NSD2: variants seen among roughly 807,000 people sequenced by gnomAD.
The protein encoded by NSD2 is nuclear receptor binding SET domain protein 2, also known as histone-lysine N-methyltransferase NSD2.
NSD2 carries 12 observed loss-of-function variants against 139.0 expected under a neutral mutation model. The observed-to-expected ratio is 0.09, with a 90% CI of 0.06 to 0.14. NSD2 has a LOEUF of 0.14. Ranked by LOEUF, NSD2 falls within the 10% of genes least tolerant of loss-of-function variation. The pLI, the probability that NSD2 is intolerant of heterozygous loss-of-function variation, is 1.00. For missense variants in NSD2, 1,155 were observed against 1,745.0 expected (o/e 0.66, Z 6.02); for synonymous variants, 669 against 648.7 (o/e 1.03, Z -0.48).
At chr4:1,952,544 C>T (rs1002740975) in intron 11 of NSD2, among the ~76,000 whole-genome samples, 14 of 152,170 alleles carry the variant, frequency 9.2e-5, no homozygotes, top group African/African-American at 2.2e-4. Context: ...ATGTGTGAGG[C>T]GGCCACCACA....
Position 1,895,212 on chromosome 4 carries a change from C to G in NSD2, c.-29-5414C>G, listed in dbSNP as rs1011801040. On this transcript the variant is annotated intron_variant, in intron 1 of 21. Transcript: ENST00000508803. The stretch of plus-strand genomic sequence containing the variant: ...ATGGGTTACGTCTACCTTTTGGCTA[C>G]TGTAATAGTGCTCCTGTGAACATGG... 1.2e-4 allele frequency among the ~76,000 whole-genome samples: 19 copies of G among 152,198 alleles called. 1 individual carries two copies. Among genetic ancestry groups the G allele is most frequent in the Non-Finnish European group, 2.1e-4 (14 of 68,038 alleles).
chr4:1,952,883 A>AC, intron 11 of NSD2: 1 of 1,352,964 alleles, frequency 7.4e-7, no homozygotes, highest in South Asian at 1.9e-5. Context: ...GGTCAGGAAG[A>AC]CACCTGGAGA....
Position 1,981,800 on chromosome 4 carries a change from G to T in NSD2, c.*2891G>T. On this transcript the variant is annotated 3_prime_UTR_variant, in exon 22 of 22. Transcript: ENST00000508803. ...TTTTATAATTCAAGTTAATGCAAAT[G>T]ACTGTCAGTTGCCAAATATCTTGAT... The T allele has an allele frequency of 2.5e-6, 1 of 398,578 alleles. No individual in the cohort carries two copies. The highest frequency in any genetic ancestry group is 1.3e-4 in the South Asian group (1 of 7,792). 24.7% of individuals were successfully genotyped at this position (398,578 alleles called of 1,614,324 possible).
At chr4:1,953,196 CAG>C in intron 11 of NSD2, 126 bp from the exon 12 acceptor site, 1 of 1,568,644 alleles carries the variant, frequency 6.4e-7, no homozygotes, top group Non-Finnish European at 8.7e-7. Context: ...AGGTTGGAAA[CAG>C]GGCCAGGTGC....
At chr4:1,884,721 A>G (rs190495817) in intron 1 of NSD2, among the ~76,000 whole-genome samples, 1 of 152,204 alleles carries the variant, frequency 6.6e-6, no homozygotes, top group Non-Finnish European at 1.5e-5. Context: ...TGTATGCTCT[A>G]TTTGTAGAAG....
At chr4:1,893,150 C>G (rs1715746266) in intron 1 of NSD2, among the ~76,000 whole-genome samples, 1 of 152,148 alleles carries the variant, frequency 6.6e-6, no homozygotes, top group Admixed American at 6.5e-5. Flanking sequence ...TTACACCTTT[C>G]TTTTGTGAAA....
Position 1,942,331 on chromosome 4 carries a change from G to C in NSD2, c.1881+2553G>C. 6.2e-7 allele frequency: 1 copy of C among 1,613,146 alleles called. No homozygotes were observed. Among genetic ancestry groups the C allele is most frequent in the Non-Finnish European group, 8.5e-7 (1 of 1,179,772 alleles). On this transcript the variant is annotated intron_variant, in intron 9 of 21. Coordinates refer to ENST00000508803, the MANE Select transcript of NSD2 (RefSeq NM_001042424.3). The surrounding 1 kb of genome is among the most constrained non-coding windows in gnomAD (Gnocchi z 4.0). ...AATTCTTATTTTTTTCGCCTTCACT[G>C]GTAACAGCTTTTGTGGGAGCCCACA... is the stretch of plus-strand genomic sequence containing the variant.
chr4:1,937,176 C>T (rs776310143), intron 7 of NSD2, among the ~76,000 whole-genome samples: 17 of 152,016 alleles, frequency 1.1e-4, no homozygotes, highest in South Asian at 2.1e-4. Flanking sequence ...CTCAGACTCC[C>T]GAGTAGCTGG....
chr4:1,878,269 T>A (rs1456599562), intron 1 of NSD2, among the ~76,000 whole-genome samples: 31 of 121,346 alleles, frequency 2.6e-4, no homozygotes, highest in African/African-American at 9.2e-4. Flanking sequence ...TTTTTTTTTT[T>A]TTTTTTTTTT....
chr4:1,954,321 A>C (rs1024189123), intron 12 of NSD2, among the ~76,000 whole-genome samples: 4 of 148,858 alleles, frequency 2.7e-5, no homozygotes, highest in Non-Finnish European at 6.0e-5. Flanking sequence ...AGGTTTCACC[A>C]TGTTGCCCAG....
At chr4:1,915,753 A>G (rs1044734077) in intron 3 of NSD2, among the ~76,000 whole-genome samples, 1 of 151,978 alleles carries the variant, frequency 6.6e-6, no homozygotes, top group African/African-American at 2.4e-5. Context: ...TCTCCAGAAG[A>G]CTCACTGGAG....
At chr4:1,872,716 T>C (rs1221068815) in intron 1 of NSD2, among the ~76,000 whole-genome samples, 3 of 150,364 alleles carry the variant, frequency 2.0e-5, no homozygotes, top group Non-Finnish European at 4.4e-5. Flanking sequence ...GCTACCCACC[T>C]GCTTCACAGA....
At chr4:1,911,156 T>TG (rs1378074934) in intron 3 of NSD2, among the ~76,000 whole-genome samples, 2 of 151,952 alleles carry the variant, frequency 1.3e-5, no homozygotes, top group East Asian at 1.9e-4. Flanking sequence ...TGGGCTGTGA[T>TG]GGGGAAAAAA....
chr4:1,872,633 A>AGAGAGAGAGAGAGAGCGC (rs1203166315), intron 1 of NSD2, among the ~76,000 whole-genome samples: 3 of 131,034 alleles, frequency 2.3e-5, no homozygotes, highest in African/African-American at 5.5e-5. Context: ...AGAGAGAGAG[A>AGAGAGAGAGAGAGAGCGC]GAGCGCGCAG....
At chr4:1,938,169 C>T (rs369458743) in intron 7 of NSD2, among the ~76,000 whole-genome samples, 1 of 152,136 alleles carries the variant, frequency 6.6e-6, no homozygotes, top group Non-Finnish European at 1.5e-5. Context: ...CCACCCACCT[C>T]GCCCTCCTGA....
chr4:1,978,126 CAA>C (rs112748858), intron 21 of NSD2, among the ~76,000 whole-genome samples: 1 of 146,646 alleles, frequency 6.8e-6, no homozygotes, highest in African/African-American at 2.5e-5. Flanking sequence ...GACTCCATCT[CAA>C]AAAAAAAAGA....
intron 7 of NSD2, 68 bp from the exon 8 acceptor site, chr4:1,938,383 T>A: frequency 4.0e-6 from 5 of 1,256,924 alleles, no homozygotes; most frequent in Non-Finnish European, 5.3e-6. Flanking sequence ...TTTTCTTTTT[T>A]TTTCCTTTTT....
chr4:1,945,466 AC>A (rs1377716452), intron 9 of NSD2: 41 of 1,063,534 alleles, frequency 3.9e-5, no homozygotes, highest in Admixed American at 5.4e-5. Flanking sequence ...AAAAAAGAAA[AC>A]TAAGATTATA....
At chr4:1,939,816 A>T in intron 9 of NSD2, 38 bp downstream of exon 9, 1 of 1,613,816 alleles carries the variant, frequency 6.2e-7, no homozygotes, top group Non-Finnish European at 8.5e-7. Flanking sequence ...TGGCATTGGT[A>T]TGAAGGCCAT....
Sources: gnomAD v4.1 joint callset for allele counts (sites outside exome capture counted in the v4.1 genomes callset) on GRCh38, gnomAD v4.1.1 for gene constraint, Gnocchi (gnomAD v3.1) non-coding constraint, MANE v1.5 for transcripts, NCBI Gene and HGNC (gene_info 2026-07-23, HGNC 2026-07-21) for gene names.